GASK1A: variants seen among roughly 807,000 people sequenced by gnomAD.
GASK1A encodes the protein Golgi-associated kinase 1A.
In GASK1A, 40 loss-of-function variants were observed where a neutral mutation model predicts 41.2. The ratio of observed to expected loss-of-function variants is 0.97; its 90% confidence interval spans 0.75 to 1.27. GASK1A has a LOEUF of 1.27. GASK1A is among the 50% of genes most tolerant of loss of function. The pLI is 0.00. For missense variants in GASK1A, 678 were observed against 745.1 expected (o/e 0.91, Z 1.05); for synonymous variants, 316 against 307.1 (o/e 1.03, Z -0.30).
At chr3:43,016,106 G>A (rs1465387603) in intron 1 of GASK1A, among the ~76,000 whole-genome samples, 4 of 152,232 alleles carry the variant, frequency 2.6e-5, no homozygotes, top group African/African-American at 9.6e-5. Flanking sequence ...GTCACAGGAA[G>A]GGGCTGTGTG....
chr3:42,990,465 G>A (rs1347588697), intron 1 of GASK1A, among the ~76,000 whole-genome samples: 1 of 152,094 alleles, frequency 6.6e-6, no homozygotes, highest in Non-Finnish European at 1.5e-5. Flanking sequence ...TGTCTGTGGT[G>A]GAAGAAGGGA....
At chr3:42,986,351 A>C (rs1209935151) in intron 1 of GASK1A, among the ~76,000 whole-genome samples, 1 of 152,194 alleles carries the variant, frequency 6.6e-6, no homozygotes, top group African/African-American at 2.4e-5. Flanking sequence ...GGGCAGCACA[A>C]AGGAGAATTC....
At position 43,033,172 on chromosome 3, in the gene GASK1A, G is replaced by A; in HGVS notation, c.909G>A (p.Leu303=). The A allele has an allele frequency of 1.3e-6, 2 of 1,550,968 alleles. No individual in the cohort carries two copies. The highest frequency in any genetic ancestry group is 2.4e-5 in the East Asian group (1 of 40,890). ...CCACTGAGGCTGCCCTTCAGGACCT[G>A]TCCTCTCCCAGGCTCAGCCAACTCT... ...GFSTEAALQD[L]SSPRLSQLCS... The change falls in exon 2 of 5, where the codon CTG becomes CTA. Residue 303 remains leucine (L), a synonymous_variant. Transcript: ENST00000430121.
intron 2 of GASK1A, among the ~76,000 whole-genome samples, chr3:43,045,215 G>T (rs544096491): frequency 2.9e-4 from 44 of 152,268 alleles, no homozygotes; most frequent in African/African-American, 8.9e-4. Context: ...GGCTACAGGG[G>T]TTTTATGCCC....
At chr3:42,985,588 G>GTGTGTGT (rs1559395438) in intron 1 of GASK1A, among the ~76,000 whole-genome samples, 1 of 96,564 alleles carries the variant, frequency 1.0e-5, no homozygotes, top group African/African-American at 3.7e-5. Flanking sequence ...TGTGTGTGTG[G>GTGTGTGT]GCGGAGGCAG....
intron 1 of GASK1A, among the ~76,000 whole-genome samples, chr3:43,005,690 G>GAA (rs747258514): frequency 6.6e-6 from 1 of 151,318 alleles, no homozygotes; most frequent in African/African-American, 2.4e-5. Flanking sequence ...CTCTACTTAA[G>GAA]AAAAAAAAAT....
At chr3:43,031,263 C>T (rs757120958) in intron 1 of GASK1A, among the ~76,000 whole-genome samples, 1 of 152,188 alleles carries the variant, frequency 6.6e-6, no homozygotes, top group Non-Finnish European at 1.5e-5. Context: ...GGTACAGAGA[C>T]TCCCAACTGC....
rs543692552 is a variant in GASK1A at position 43,031,449 on chromosome 3, C to T, written c.4-818C>T. On this transcript the variant is annotated intron_variant, in intron 1 of 4. Coordinates refer to ENST00000430121, the MANE Select transcript of GASK1A (RefSeq NM_001129908.3). Reference sequence around the variant, plus strand: ...TCTGGTGTGGGGCCCTGAGAATTTGCATTTCTGACAAGTCCCCAGGTGATA... The same window carrying T: ...TCTGGTGTGGGGCCCTGAGAATTTGTATTTCTGACAAGTCCCCAGGTGATA... 2.2e-4 allele frequency among the ~76,000 whole-genome samples: 34 copies of T among 152,326 alleles called. No homozygotes were observed. In the South Asian group the frequency reaches 7.0e-3, roughly 32 times the overall value.
chr3:43,014,278 G>A (rs2089479045), intron 1 of GASK1A, among the ~76,000 whole-genome samples: 1 of 152,088 alleles, frequency 6.6e-6, no homozygotes, highest in South Asian at 2.1e-4. Context: ...ACGGGAAGAA[G>A]GAGTGTGAAG....
Position 43,032,301 on chromosome 3 carries a change from G to A in GASK1A, c.38G>A (p.Arg13Lys). The change falls in exon 2 of 5, where the codon AGG becomes AAG. Residue 13 changes from arginine to lysine, a missense_variant. Coordinates refer to ENST00000430121, the MANE Select transcript of GASK1A (RefSeq NM_001129908.3). ...SWLRRKLRGK[R>K]RPVIAFCLLM... ...CTCCGGAGAAAGCTGCGTGGCAAGA[G>A]GCGGCCAGTGATAGCGTTCTGCCTC... 6.5e-7 allele frequency: 1 copy of A among 1,537,428 alleles called. No homozygotes were observed. Among genetic ancestry groups the A allele is most frequent in the Non-Finnish European group, 8.8e-7 (1 of 1,136,308 alleles).
At chr3:42,985,836 A>T (rs1219769666) in intron 1 of GASK1A, among the ~76,000 whole-genome samples, 1 of 152,102 alleles carries the variant, frequency 6.6e-6, no homozygotes, top group African/African-American at 2.4e-5. Flanking sequence ...GAAGCAAAAC[A>T]CCCTGACAAC....
chr3:43,033,657 A>G, intron 2 of GASK1A, 104 bp downstream of exon 2: 1 of 1,138,806 alleles, frequency 8.8e-7, no homozygotes, highest in South Asian at 2.0e-5. Flanking sequence ...CTCTCCCCCA[A>G]GTCTTGGTTT....
intron 1 of GASK1A, among the ~76,000 whole-genome samples, chr3:43,016,062 AG>A (rs1462598172): frequency 6.6e-6 from 1 of 150,986 alleles, no homozygotes; most frequent in Non-Finnish European, 1.5e-5. Flanking sequence ...AGTCACAGAA[AG>A]GGGCTGTGTG....
At chr3:43,047,508 A>G (rs183244058) in intron 2 of GASK1A, among the ~76,000 whole-genome samples, 367 of 152,270 alleles carry the variant, frequency 2.4e-3, no homozygotes, top group South Asian at 4.8e-3. Context: ...TTCAGAGGCA[A>G]TGGGTTCAAG....
At chr3:43,029,601 C>T (rs1261927691) in intron 1 of GASK1A, among the ~76,000 whole-genome samples, 1 of 152,138 alleles carries the variant, frequency 6.6e-6, no homozygotes, top group Non-Finnish European at 1.5e-5. Context: ...ACACTGGCTT[C>T]CTGCAGCTGA....
Position 43,033,521 on chromosome 3 carries a change from G to A in GASK1A, c.1258G>A (p.Ala420Thr). Residue 420 changes from alanine to threonine, a missense_variant, in exon 2 of 5, where the codon GCA becomes ACA. Coordinates refer to ENST00000430121, the MANE Select transcript of GASK1A (RefSeq NM_001129908.3). ...CCCGGGCATCCACCATACCGAGTGGGCACGCCTGGCGCTCTTCGACTTCCT... is the reference window on the plus strand; with the variant it reads ...CCCGGGCATCCACCATACCGAGTGGACACGCCTGGCGCTCTTCGACTTCCT... The part of the protein sequence containing the change: ...PCPGIHHTEW[A>T]RLALFDFLLQ... The A allele has an allele frequency of 6.5e-7, 1 of 1,544,988 alleles. No homozygotes were observed.
At chr3:43,013,565 G>A (rs559780633) in intron 1 of GASK1A, among the ~76,000 whole-genome samples, 11 of 152,016 alleles carry the variant, frequency 7.2e-5, no homozygotes, top group African/African-American at 2.7e-4. Flanking sequence ...CCACAGGGAG[G>A]GGTATTGTGA....
intron 1 of GASK1A, among the ~76,000 whole-genome samples, chr3:42,994,263 A>G (rs138990392): frequency 2.2e-3 from 330 of 152,244 alleles, no homozygotes; most frequent in Non-Finnish European, 2.5e-3. Flanking sequence ...AAAGGGCAAT[A>G]CTAGAGAAGG....
At chr3:43,008,512 A>G (rs564849519) in intron 1 of GASK1A, among the ~76,000 whole-genome samples, 3 of 152,326 alleles carry the variant, frequency 2.0e-5, no homozygotes, top group African/African-American at 7.2e-5. Context: ...CAGGCTTCCT[A>G]TCTGATAGAC....
Sources: allele counts gnomAD v4.1 joint callset (sites outside exome capture counted in the v4.1 genomes callset), GRCh38; gene constraint gnomAD v4.1.1; transcripts MANE v1.5; gene names NCBI Gene and HGNC (gene_info 2026-07-23, HGNC 2026-07-21).